Variants in PTPRN2 observed in about 807,000 individuals in gnomAD.
PTPRN2 encodes the protein protein tyrosine phosphatase receptor type N2, also known as receptor-type tyrosine-protein phosphatase N2.
A neutral mutation model predicts 118.8 loss-of-function variants in PTPRN2; 74 were observed. The ratio of observed to expected loss-of-function variants is 0.62; its 90% confidence interval spans 0.52 to 0.76. The LOEUF (loss-of-function observed/expected upper bound fraction) is 0.76. PTPRN2 is among the 30% of genes least tolerant of loss of function. The pLI, the probability that PTPRN2 is intolerant of heterozygous loss-of-function variation, is 0.00. For synonymous variants in PTPRN2, 641 were observed against 608.0 expected, an observed-to-expected ratio of 1.05 and a Z score of -0.80; for missense variants, 1,481 against 1,394.4, an observed-to-expected ratio of 1.06 and a Z score of -0.99.
At chr7:157,599,663 G>T (rs1265374644) in intron 16 of PTPRN2, among the ~76,000 whole-genome samples, 1 of 152,252 alleles carries the variant, frequency 6.6e-6, no homozygotes, top group East Asian at 1.9e-4. Context: ...CCACTGCGGG[G>T]CAGGTGAAGG....
At position 158,365,772 on chromosome 7, in the gene PTPRN2, T is replaced by TAC. The variant is rs1295512736; in HGVS notation, c.164-48842_164-48841dup. Among the ~76,000 whole-genome samples, 21 of 52,238 alleles carry TAC rather than the reference T, an allele frequency of 4.0e-4. 1 individual carries two copies. The highest frequency in any genetic ancestry group is 9.1e-4 in the African/African-American group (12 of 13,214). 34.3% of individuals were successfully genotyped at this position (52,238 alleles called of 152,430 possible). The stretch of plus-strand genomic sequence containing the variant: ...AGCCGAAGCCCAGTGCACACGTGCA[T>TAC]ACACACACACACACCCACACACACA... On this transcript the variant is annotated intron_variant, in intron 2 of 22. Coordinates refer to ENST00000389418, the MANE Select transcript of PTPRN2 (RefSeq NM_002847.5).
At chr7:158,294,827 G>C (rs1321187166) in intron 3 of PTPRN2, among the ~76,000 whole-genome samples, 1 of 151,986 alleles carries the variant, frequency 6.6e-6, no homozygotes. Flanking sequence ...TGTCTGCCCA[G>C]ACACTGCACC....
intron 11 of PTPRN2, among the ~76,000 whole-genome samples, chr7:157,983,483 G>A (rs970229322): frequency 7.2e-5 from 11 of 152,186 alleles, no homozygotes; most frequent in African/African-American, 2.4e-4. Flanking sequence ...TCACAGAGAC[G>A]AAGAGGGTGC....
At chr7:158,467,811 A>C (rs1409452551) in intron 2 of PTPRN2, among the ~76,000 whole-genome samples, 1 of 152,080 alleles carries the variant, frequency 6.6e-6, no homozygotes, top group Non-Finnish European at 1.5e-5. Flanking sequence ...TGTTTAAGTC[A>C]CTGGCCAAAA....
At chr7:158,452,097 G>C (rs562301583) in intron 2 of PTPRN2, among the ~76,000 whole-genome samples, 1 of 152,172 alleles carries the variant, frequency 6.6e-6, no homozygotes, top group South Asian at 2.1e-4. Flanking sequence ...TCTATTTCTA[G>C]ACTTTCTATT....
chr7:157,717,689 G>A (rs111236577), intron 12 of PTPRN2, among the ~76,000 whole-genome samples: 16 of 152,364 alleles, frequency 1.1e-4, no homozygotes, highest in African/African-American at 2.9e-4. Context: ...TATGGGCACC[G>A]GCTGCTCCTT....
At chr7:158,188,766 A>T (rs60948721) in intron 5 of PTPRN2, among the ~76,000 whole-genome samples, 2 of 151,082 alleles carry the variant, frequency 1.3e-5, no homozygotes, top group Non-Finnish European at 3.0e-5. Flanking sequence ...CGCCACGCTC[A>T]CCCGCTGTAT....
chr7:158,200,489 C>T (rs1316487610), intron 4 of PTPRN2, among the ~76,000 whole-genome samples: 1 of 152,110 alleles, frequency 6.6e-6, no homozygotes, highest in Non-Finnish European at 1.5e-5. Context: ...TTCAGAAAGT[C>T]ACAATATAAA....
At chr7:158,018,114 G>A (rs73169767) in intron 11 of PTPRN2, among the ~76,000 whole-genome samples, 7,680 of 152,206 alleles carry the variant, frequency 0.05, 251 homozygotes, top group Admixed American at 0.085. Flanking sequence ...TATGTGTTGC[G>A]GACTTCTAAA....
At chr7:158,388,699 G>C (rs1811695049) in intron 2 of PTPRN2, among the ~76,000 whole-genome samples, 1 of 152,090 alleles carries the variant, frequency 6.6e-6, no homozygotes, top group African/African-American at 2.4e-5. Flanking sequence ...CCAAGAGTTG[G>C]GGGGGCCTGA....
Position 158,095,842 on chromosome 7 carries a change from T to C in PTPRN2, c.1644-14465A>G, listed in dbSNP as rs75845800. On this transcript the variant is annotated intron_variant, in intron 10 of 22. Transcript: ENST00000389418. ...GATCCTCCCAGTTCAGCCCCCAAAG[T>C]ACTGGGATTACAGGCGTGAGCCGCC... Among the ~76,000 whole-genome samples, 574 of 152,320 alleles carry C rather than the reference T, an allele frequency of 3.8e-3. 5 individuals are homozygous for C. The highest frequency in any genetic ancestry group is 0.013 in the African/African-American group (560 of 41,566).
chr7:157,909,451 G>A (rs1035987647), intron 11 of PTPRN2, among the ~76,000 whole-genome samples: 5 of 152,204 alleles, frequency 3.3e-5, no homozygotes, highest in East Asian at 1.9e-4. Flanking sequence ...CTGCGCTGGC[G>A]CATCTCACCC....
In PTPRN2 at chr7:158,575,083, A is replaced by G. The variant is rs74954458; in HGVS notation, c.112+12475T>C. Among the ~76,000 whole-genome samples, 948 of 152,358 alleles carry G rather than the reference A, an allele frequency of 6.2e-3. 14 individuals are homozygous for G. Among genetic ancestry groups the G allele is most frequent in the African/African-American group, 0.021 (886 of 41,578 alleles). ...TTAATAGTCTAGAAGAACTATTTCA[A>G]CATTTGGAACATGCTAACAATATAC... On this transcript the variant is annotated intron_variant, in intron 1 of 22. Transcript: ENST00000389418.
Position 157,845,544 on chromosome 7 carries a change from T to C in PTPRN2, c.1788+53129A>G, listed in dbSNP as rs1184512716. 6.6e-6 allele frequency among the ~76,000 whole-genome samples: 1 copy of C among 151,796 alleles called. No individual in the cohort carries two copies. ...TTCCCGGCCACATCCCGGTGAACCA[T>C]GCAGCCTAACTCACCACGTTCCCGG... On this transcript the variant is annotated intron_variant, in intron 12 of 22. Coordinates refer to ENST00000389418, the MANE Select transcript of PTPRN2 (RefSeq NM_002847.5). This position sits in a 1 kb window ranked among gnomAD's most constrained non-coding sequence, Gnocchi z 4.5.
At chr7:158,415,229 C>T (rs892034173) in intron 2 of PTPRN2, among the ~76,000 whole-genome samples, 4 of 152,214 alleles carry the variant, frequency 2.6e-5, no homozygotes, top group African/African-American at 7.2e-5. Flanking sequence ...TGGGCCCCAG[C>T]GACAGTATTG....
chr7:158,283,126 G>A (rs1309210453), intron 3 of PTPRN2, among the ~76,000 whole-genome samples: 8 of 152,220 alleles, frequency 5.3e-5, no homozygotes, highest in Non-Finnish European at 8.8e-5. Flanking sequence ...GATGTCAGGG[G>A]AAGACGCATT....
chr7:157,622,979 T>C lies in PTPRN2; in HGVS notation c.2197-1470A>G, dbSNP rs1803359069. Among the ~76,000 whole-genome samples the C allele has an allele frequency of 6.6e-6, 1 of 152,220 alleles. No homozygotes were observed. Among genetic ancestry groups the C allele is most frequent in the Non-Finnish European group, 1.5e-5 (1 of 68,034 alleles). ...CTCTGAGCCAAAGCGAACGAGTTCA[T>C]CTACTCCCGTCACCAGCCCCGACAC... On this transcript the variant is annotated intron_variant, in intron 14 of 22. Transcript: ENST00000389418. This position sits in a 1 kb window ranked among gnomAD's most constrained non-coding sequence, Gnocchi z 5.3.
At chr7:158,025,121 A>G (rs1172491842) in intron 11 of PTPRN2, among the ~76,000 whole-genome samples, 1 of 152,170 alleles carries the variant, frequency 6.6e-6, no homozygotes, top group East Asian at 1.9e-4. Context: ...TATTCTAAGA[A>G]GGACTTGACC....
chr7:158,476,838 GTC>G (rs1254998156), intron 2 of PTPRN2, among the ~76,000 whole-genome samples: 1 of 152,238 alleles, frequency 6.6e-6, no homozygotes, highest in Non-Finnish European at 1.5e-5. Flanking sequence ...GGAGAGAAAA[GTC>G]TGGAAAGTTT....
Sources: allele counts gnomAD v4.1 joint callset (sites outside exome capture counted in the v4.1 genomes callset), GRCh38; gene constraint gnomAD v4.1.1; non-coding constraint Gnocchi (gnomAD v3.1); transcripts MANE v1.5; gene names NCBI Gene and HGNC (gene_info 2026-07-23, HGNC 2026-07-21).